The following ELMOD1 variants were observed in gnomAD, a reference collection of about 807,000 sequenced individuals.
ELMOD1 encodes ELMO domain-containing protein 1.
Under a neutral mutation model 46.7 loss-of-function variants are expected in ELMOD1, and 21 were observed. The ratio of observed to expected loss-of-function variants is 0.45; its 90% CI spans 0.32 to 0.65. The LOEUF is 0.65. ELMOD1 is among the 30% of genes least tolerant of loss of function. The pLI, the probability that ELMOD1 is intolerant of heterozygous loss-of-function variation, is 0.04. For synonymous variants in ELMOD1, 122 were observed against 138.2 expected (o/e 0.88, Z 0.82); for missense variants, 348 against 407.8 (o/e 0.85, Z 1.26).
At position 107,657,641 on chromosome 11, in the gene ELMOD1, T is replaced by C. The variant is rs1265244268; in HGVS notation, c.832+1575T>C. Among the ~76,000 whole-genome samples the C allele has an allele frequency of 3.3e-5, 5 of 152,194 alleles. No individual in the cohort carries two copies. In the East Asian group the frequency reaches 7.7e-4, roughly 23 times the overall value. ...AACTTACTACCTTACCAATCAAGTA[T>C]GGGAATAGAATAAAGACAGTTTCTT... On this transcript the variant is annotated intron_variant, in intron 11 of 11. Coordinates refer to ENST00000265840, the MANE Select transcript of ELMOD1 (RefSeq NM_018712.4).
chr11:107,620,466 G>A (rs1432470955), intron 2 of ELMOD1: 1 of 152,222 alleles, frequency 6.6e-6, no homozygotes. Context: ...AATGCTATTT[G>A]ATTAGTACAC....
intron 5 of ELMOD1, among the ~76,000 whole-genome samples, chr11:107,633,034 C>T (rs960178978): frequency 3.9e-5 from 6 of 152,138 alleles, no homozygotes; most frequent in Admixed American, 2.0e-4. Context: ...ATAAAATTAC[C>T]TTCAGGCTAT....
chr11:107,624,352 T>A (rs982083815), intron 2 of ELMOD1, among the ~76,000 whole-genome samples: 21 of 152,284 alleles, frequency 1.4e-4, no homozygotes, highest in African/African-American at 4.3e-4. Flanking sequence ...AACCTGATTT[T>A]AAAAAATAAA....
chr11:107,614,893 A>C (rs1454195047), intron 1 of ELMOD1, among the ~76,000 whole-genome samples: 11 of 152,152 alleles, frequency 7.2e-5, no homozygotes, highest in Non-Finnish European at 1.5e-4. Flanking sequence ...AGAGCTTTGC[A>C]TGTGCTATCT....
chr11:107,643,465 T>C (rs1315671387), intron 6 of ELMOD1: 2 of 297,936 alleles, frequency 6.7e-6, no homozygotes, highest in Non-Finnish European at 1.4e-5. Context: ...CTAACCCTGC[T>C]GGGGAAATAG....
intron 1 of ELMOD1, among the ~76,000 whole-genome samples, chr11:107,601,841 C>A (rs576786672): frequency 6.6e-6 from 1 of 151,976 alleles, no homozygotes; most frequent in Non-Finnish European, 1.5e-5. Context: ...TCTGTCAGTT[C>A]CAGTTTTTTT....
intron 3 of ELMOD1, 52 bp from the exon 4 acceptor site, chr11:107,630,648 C>G (rs1866120390): frequency 1.2e-6 from 2 of 1,602,296 alleles, no homozygotes; most frequent in South Asian, 2.3e-5. Flanking sequence ...TAATTCTAAA[C>G]CATGTGTAAA....
At chr11:107,655,573 C>CATTTTTTT (rs1866613620) in intron 10 of ELMOD1, among the ~76,000 whole-genome samples, 1 of 112,470 alleles carries the variant, frequency 8.9e-6, no homozygotes. Context: ...ATTGAAATGC[C>CATTTTTTT]TTTTTTTTTT....
At chr11:107,663,507 AAG>A (rs1227186661) in intron 11 of ELMOD1, among the ~76,000 whole-genome samples, 3 of 152,016 alleles carry the variant, frequency 2.0e-5, no homozygotes, top group Non-Finnish European at 4.4e-5. Flanking sequence ...AAAAAAAAAA[AAG>A]AAATGGAACA....
At chr11:107,610,936 C>T (rs1865766421) in intron 1 of ELMOD1, among the ~76,000 whole-genome samples, 1 of 133,728 alleles carries the variant, frequency 7.5e-6, no homozygotes, top group African/African-American at 2.8e-5. Flanking sequence ...CTATCACTAT[C>T]TACAAAAATT....
intron 11 of ELMOD1, among the ~76,000 whole-genome samples, chr11:107,660,121 A>G (rs929706596): frequency 2.0e-5 from 3 of 152,146 alleles, no homozygotes; most frequent in Non-Finnish European, 2.9e-5. Flanking sequence ...TCAATCAGAC[A>G]TGATCAGTTC....
At chr11:107,604,032 A>G (rs1865647481) in intron 1 of ELMOD1, among the ~76,000 whole-genome samples, 1 of 152,224 alleles carries the variant, frequency 6.6e-6, no homozygotes, top group Non-Finnish European at 1.5e-5. Context: ...TAGAAGCTGA[A>G]TGAGACAGGA....
intron 10 of ELMOD1, among the ~76,000 whole-genome samples, chr11:107,655,653 G>A (rs1272253834): frequency 7.0e-6 from 1 of 143,496 alleles, no homozygotes; most frequent in Non-Finnish European, 1.5e-5. Flanking sequence ...TACTCCGTGG[G>A]TAGAGCAGCC....
In ELMOD1 at chr11:107,638,694, A is replaced by G. The variant is rs144144905; in HGVS notation, c.420+2929A>G. On this transcript the variant is annotated intron_variant, in intron 6 of 11. Transcript: ENST00000265840. The stretch of plus-strand genomic sequence containing the variant: ...AAGGCCTGCAAACCAAATTTGGCAT[A>G]CCACCCATTTTACAAGTAATATTTG... Among the ~76,000 whole-genome samples the G allele has an allele frequency of 2.6e-3, 389 of 152,300 alleles. 3 individuals carry two copies. The highest frequency in any genetic ancestry group is 8.9e-3 in the African/African-American group (372 of 41,566).
At chr11:107,636,078 C>A (rs1189657535) in intron 6 of ELMOD1, among the ~76,000 whole-genome samples, 1 of 152,168 alleles carries the variant, frequency 6.6e-6, no homozygotes, top group Admixed American at 6.5e-5. Flanking sequence ...TGAAAGCCAA[C>A]AGGAGAAATA....
intron 6 of ELMOD1, among the ~76,000 whole-genome samples, chr11:107,644,036 G>A (rs1324872189): frequency 2.0e-5 from 3 of 152,168 alleles, no homozygotes; most frequent in Non-Finnish European, 4.4e-5. Context: ...ACTTTGGGAG[G>A]CCGAGGCAGG....
At chr11:107,594,502 G>A (rs1865460170) in intron 1 of ELMOD1, among the ~76,000 whole-genome samples, 1 of 152,092 alleles carries the variant, frequency 6.6e-6, no homozygotes, top group Non-Finnish European at 1.5e-5. Context: ...GGACCTCAGT[G>A]CATTTAAAAT....
At chr11:107,658,950 T>C (rs961044037) in intron 11 of ELMOD1, among the ~76,000 whole-genome samples, 8 of 152,034 alleles carry the variant, frequency 5.3e-5, no homozygotes, top group Admixed American at 2.0e-4. Flanking sequence ...TAAATAAATA[T>C]TGAAAAAGTC....
Position 107,615,927 on chromosome 11 carries a change from T to C in ELMOD1, c.-85-2178T>C, listed in dbSNP as rs150566381. Reference sequence around the variant, plus strand: ...AAGGTTACATGCTATCAACATGACTTATCACTGGTGATCTTAGCCTTGATC... The same window carrying C: ...AAGGTTACATGCTATCAACATGACTCATCACTGGTGATCTTAGCCTTGATC... On this transcript the variant is annotated intron_variant, in intron 1 of 11. Coordinates refer to ENST00000265840, the MANE Select transcript of ELMOD1 (RefSeq NM_018712.4). Among the ~76,000 whole-genome samples, 680 of 151,796 alleles carry C rather than the reference T, an allele frequency of 4.5e-3. 5 individuals are homozygous for C. Among genetic ancestry groups the C allele is most frequent in the Non-Finnish European group, 7.3e-3 (497 of 67,942 alleles).
Sources: gnomAD v4.1 joint callset for allele counts (sites outside exome capture counted in the v4.1 genomes callset) on GRCh38, gnomAD v4.1.1 for gene constraint, MANE v1.5 for transcripts, NCBI Gene and HGNC (gene_info 2026-07-23, HGNC 2026-07-21) for gene names.